Variants in PDZRN4 observed in about 807,000 individuals in gnomAD.
The protein encoded by PDZRN4 is PDZ domain-containing RING finger protein 4.
PDZRN4 carries 70 observed loss-of-function variants against 99.0 expected under a neutral mutation model. That is an observed-to-expected ratio of 0.71 (90% CI 0.58 to 0.86). The LOEUF is 0.86. Ranked by LOEUF, PDZRN4 falls within the 40% of genes least tolerant of loss-of-function variation. PDZRN4 has a pLI of 0.00. For synonymous variants in PDZRN4, 551 were observed against 501.6 expected (o/e 1.10, Z -1.32); for missense variants, 1,474 against 1,331.2 (o/e 1.11, Z -1.67).
chr12:41,395,708 A>G (rs1457575357), intron 3 of PDZRN4, among the ~76,000 whole-genome samples: 1 of 152,170 alleles, frequency 6.6e-6, no homozygotes, highest in Non-Finnish European at 1.5e-5. Context: ...ACCTATCTTT[A>G]CCTTAGGCTT....
intron 3 of PDZRN4, among the ~76,000 whole-genome samples, chr12:41,289,898 T>C (rs1179453561): frequency 6.6e-6 from 1 of 152,220 alleles, no homozygotes; most frequent in African/African-American, 2.4e-5. Context: ...GCTTTGTGAG[T>C]GTACCCTAAA....
Position 41,573,759 on chromosome 12 carries a change from A to C in PDZRN4, c.2980A>C (p.Lys994Gln). The change falls in exon 10 of 10, where the codon AAG becomes CAG. Residue 994 changes from lysine to glutamine, a missense_variant. Coordinates refer to ENST00000402685, the MANE Select transcript of PDZRN4 (RefSeq NM_001164595.2). ...CAATATCATTGAACTGAGTCACAAAAAGATGATGAAAAAGAGAAACAAGAA... is the reference window on the plus strand; with the variant it reads ...CAATATCATTGAACTGAGTCACAAACAGATGATGAAAAAGAGAAACAAGAA... ...EINIIELSHKKMMKKRNKKIL... is the reference protein window; with the variant it reads ...EINIIELSHKQMMKKRNKKIL... 1 of 1,613,938 alleles carries C rather than the reference A, an allele frequency of 6.2e-7. No individual in the cohort carries two copies. The highest frequency in any genetic ancestry group is 1.1e-5 in the South Asian group (1 of 91,070).
At chr12:41,283,426 A>G (rs1352759856) in intron 3 of PDZRN4, among the ~76,000 whole-genome samples, 1 of 152,242 alleles carries the variant, frequency 6.6e-6, no homozygotes, top group Non-Finnish European at 1.5e-5. Context: ...GAATTCTACC[A>G]GAGGTACAAA....
chr12:41,572,245 A>G, intron 9 of PDZRN4, 119 bp from the exon 10 acceptor site: 1 of 753,420 alleles, frequency 1.3e-6, no homozygotes, highest in Non-Finnish European at 2.1e-6. Context: ...CCTAAATTAG[A>G]GCAACTGTCT....
chr12:41,423,301 C>G (rs904895706), intron 3 of PDZRN4, among the ~76,000 whole-genome samples: 9 of 151,986 alleles, frequency 5.9e-5, no homozygotes, highest in African/African-American at 2.2e-4. Context: ...CCCTAGTCCC[C>G]CATCCCCTGA....
intron 3 of PDZRN4, among the ~76,000 whole-genome samples, chr12:41,417,035 C>T (rs1001853260): frequency 3.3e-4 from 50 of 152,238 alleles, no homozygotes; most frequent in African/African-American, 1.2e-3. Context: ...GTTTGTAATA[C>T]AACTAAAGAG....
At chr12:41,474,665 C>A (rs1953023573) in intron 3 of PDZRN4, among the ~76,000 whole-genome samples, 1 of 152,074 alleles carries the variant, frequency 6.6e-6, no homozygotes, top group Non-Finnish European at 1.5e-5. Flanking sequence ...GGCTTGCAAG[C>A]ATTATTAAAT....
chr12:41,528,518 G>A (rs1460061471), intron 5 of PDZRN4, among the ~76,000 whole-genome samples: 1 of 152,186 alleles, frequency 6.6e-6, no homozygotes, highest in African/African-American at 2.4e-5. Flanking sequence ...TGCCCACTGT[G>A]TGGTCATCAG....
At chr12:41,421,414 A>C (rs1487553879) in intron 3 of PDZRN4, among the ~76,000 whole-genome samples, 1 of 152,020 alleles carries the variant, frequency 6.6e-6, no homozygotes, top group Non-Finnish European at 1.5e-5. Flanking sequence ...GCTGGTCTCA[A>C]ACTCCTGACC....
intron 3 of PDZRN4, among the ~76,000 whole-genome samples, chr12:41,298,790 A>G (rs1203071233): frequency 6.6e-6 from 1 of 152,182 alleles, no homozygotes; most frequent in Admixed American, 6.5e-5. Flanking sequence ...TATAATTAAC[A>G]TTTGAATTTC....
At chr12:41,273,645 A>G (rs1006503169) in intron 3 of PDZRN4, among the ~76,000 whole-genome samples, 1 of 152,102 alleles carries the variant, frequency 6.6e-6, no homozygotes, top group Non-Finnish European at 1.5e-5. Flanking sequence ...GTTTCATTAA[A>G]GAAAAAGTAT....
intron 3 of PDZRN4, among the ~76,000 whole-genome samples, chr12:41,427,329 A>G (rs191716771): frequency 6.6e-6 from 1 of 152,314 alleles, no homozygotes; most frequent in East Asian, 1.9e-4. Flanking sequence ...TATAAGCTAT[A>G]ACATATTAAC....
intron 3 of PDZRN4, among the ~76,000 whole-genome samples, chr12:41,496,198 G>T (rs1937998951): frequency 6.6e-6 from 1 of 152,046 alleles, no homozygotes; most frequent in Admixed American, 6.6e-5. Flanking sequence ...GGCACTCTGT[G>T]AGTGCTCACT....
intron 3 of PDZRN4, among the ~76,000 whole-genome samples, chr12:41,408,031 T>C (rs1179401741): frequency 1.3e-5 from 2 of 152,220 alleles, no homozygotes; most frequent in Admixed American, 1.3e-4. Context: ...TAGAGTGTGA[T>C]GTTTGATAAT....
intron 3 of PDZRN4, among the ~76,000 whole-genome samples, chr12:41,394,872 C>T (rs1246154282): frequency 6.6e-6 from 1 of 152,072 alleles, no homozygotes; most frequent in Non-Finnish European, 1.5e-5. Flanking sequence ...AAGCCACAGT[C>T]TTTTTATAAC....
chr12:41,250,216 A>G (rs1037135291), intron 3 of PDZRN4, among the ~76,000 whole-genome samples: 3 of 152,170 alleles, frequency 2.0e-5, no homozygotes, highest in South Asian at 4.1e-4. Flanking sequence ...GGTTCATTCC[A>G]TGATTTAGCA....
chr12:41,363,445 A>G (rs1951976479), intron 3 of PDZRN4, among the ~76,000 whole-genome samples: 1 of 152,114 alleles, frequency 6.6e-6, no homozygotes, highest in Admixed American at 6.6e-5. Flanking sequence ...ATCAAGATGC[A>G]TTTGTTCAGG....
chr12:41,341,108 T>G (rs1402343762), intron 3 of PDZRN4, among the ~76,000 whole-genome samples: 1 of 151,524 alleles, frequency 6.6e-6, no homozygotes, highest in East Asian at 1.9e-4. Context: ...GACAAAAACG[T>G]GATCATTTCA....
At chr12:41,542,407 C>G (rs529360130) in intron 5 of PDZRN4, among the ~76,000 whole-genome samples, 1 of 152,190 alleles carries the variant, frequency 6.6e-6, no homozygotes, top group Non-Finnish European at 1.5e-5. Flanking sequence ...TCAACTCAAG[C>G]CTTGCTTTCC....
Sources: allele counts gnomAD v4.1 joint callset (sites outside exome capture counted in the v4.1 genomes callset), GRCh38; gene constraint gnomAD v4.1.1; transcripts MANE v1.5; gene names NCBI Gene and HGNC (gene_info 2026-07-23, HGNC 2026-07-21).